Variants in DOCK9 observed in about 807,000 individuals in gnomAD.
The protein encoded by DOCK9 is dedicator of cytokinesis 9, also known as dedicator of cytokinesis protein 9.
A neutral mutation model predicts 263.3 loss-of-function variants in DOCK9; 89 were observed. The observed-to-expected ratio is 0.34, with a 90% confidence interval of 0.28 to 0.40. The LOEUF (loss-of-function observed/expected upper bound fraction) is 0.40. Ranked by LOEUF, DOCK9 falls within the 10% of genes least tolerant of loss-of-function variation. DOCK9 has a pLI of 1.00. For synonymous variants in DOCK9, 976 were observed against 973.1 expected (o/e 1.00, Z -0.06); for missense variants, 2,140 against 2,603.4 (o/e 0.82, Z 3.87).
chr13:98,797,514 G>A lies in DOCK9; in HGVS notation c.5917-25C>T, dbSNP rs1191038990. On this transcript the variant is annotated intron_variant, in intron 50 of 52. Coordinates refer to ENST00000682017, the MANE Select transcript of DOCK9 (RefSeq NM_001366683.2). ...CCTAGACAAAGAGCAAAGATTTTCA[G>A]TTCCACTAGGAAGAAAATCACCATG... The A allele has an allele frequency of 3.2e-6, 5 of 1,574,328 alleles. No individual in the cohort carries two copies. The African/African-American group carries it at 5.4e-5, about 17-fold the overall frequency.
rs757514207 is a variant in DOCK9 at position 98,824,554 on chromosome 13, G to A, written c.5024-50C>T. ...GTCAGAGTTAGGAACCTGAACGTGG[G>A]TGAACCCTGAGGGTTTTTCCTGCCC... On this transcript the variant is annotated intron_variant, in intron 44 of 52. Transcript: ENST00000682017. 1.9e-6 allele frequency: 3 copies of A among 1,549,190 alleles called. No individual in the cohort carries two copies. In the South Asian group the frequency reaches 3.4e-5, roughly 17 times the overall value.
rs566469244 is a variant in DOCK9, at chr13:99,050,561, C to T, written c.129+35662G>A. On this transcript the variant is annotated intron_variant, in intron 1 of 32. Coordinates refer to the DOCK9 transcript ENST00000427887. ...ACAAAAAATTAGCCAGACGTGGTGG[C>T]GGGCGCCTGTAATCCCAGCTACTCG... Among the ~76,000 whole-genome samples the T allele has an allele frequency of 3.3e-5, 5 of 152,194 alleles. No individual in the cohort carries two copies. In the South Asian group the frequency reaches 6.2e-4, roughly 19 times the overall value.
chr13:99,024,265 T>C (rs1197379990), intron 1 of DOCK9, among the ~76,000 whole-genome samples: 1 of 152,100 alleles, frequency 6.6e-6, no homozygotes, highest in African/African-American at 2.4e-5. Flanking sequence ...CACTGTAAAT[T>C]AGACACTGGA....
intron 1 of DOCK9, among the ~76,000 whole-genome samples, chr13:99,073,440 T>C (rs1311262832): frequency 6.7e-6 from 1 of 149,722 alleles, no homozygotes; most frequent in Non-Finnish European, 1.5e-5. Context: ...TAAGCTCCAA[T>C]GAAGGCTTTT....
chr13:99,042,723 A>T (rs936047312), intron 1 of DOCK9, among the ~76,000 whole-genome samples: 32 of 152,216 alleles, frequency 2.1e-4, no homozygotes, highest in Non-Finnish European at 3.7e-4. Flanking sequence ...TCAACTGTGG[A>T]ACAGAAAGAT....
At chr13:99,015,493 T>A (rs1885259207) in intron 1 of DOCK9, 3 of 1,597,966 alleles carry the variant, frequency 1.9e-6, no homozygotes, top group Non-Finnish European at 2.5e-6. Context: ...TGTCCAATTG[T>A]ATGCTGTATA....
Position 98,885,072 on chromosome 13 carries a change from G to T in DOCK9, c.2281C>A (p.Leu761Ile). The stretch of plus-strand genomic sequence containing the variant: ...GTCACCACCCTTCCGTCTTTCAGGA[G>T]GGGAAGCCAGGAGTAGCCAACTGTT... Reference protein sequence around the residue: ...ETQVGYSWLPLLKDGRVVTSE... With the variant: ...ETQVGYSWLPILKDGRVVTSE... The change falls in exon 21 of 53, where the codon CTC (leucine) becomes ATC (isoleucine). Residue 761 changes from leucine to isoleucine, a missense_variant. Coordinates refer to ENST00000682017, the MANE Select transcript of DOCK9 (RefSeq NM_001366683.2). 1 of 1,613,652 alleles carries T rather than the reference G, an allele frequency of 6.2e-7. No individual in the cohort carries two copies. Among genetic ancestry groups the T allele is most frequent in the Non-Finnish European group, 8.5e-7 (1 of 1,179,784 alleles).
chr13:98,992,355 G>C (rs1880011286), intron 1 of DOCK9, among the ~76,000 whole-genome samples: 1 of 152,076 alleles, frequency 6.6e-6, no homozygotes. Context: ...GCCCCTTAAG[G>C]GCACTCCGAT....
intron 1 of DOCK9, among the ~76,000 whole-genome samples, chr13:99,080,936 A>G (rs2042099982): frequency 6.6e-6 from 1 of 152,196 alleles, no homozygotes; most frequent in Non-Finnish European, 1.5e-5. Context: ...GTAAATGTGG[A>G]CAGTGATTTC....
At chr13:98,897,663 A>G in intron 14 of DOCK9, 53 bp from the exon 15 acceptor site, 1 of 1,598,816 alleles carries the variant, frequency 6.3e-7, no homozygotes, top group Non-Finnish European at 8.5e-7. Flanking sequence ...ACCAAAATCA[A>G]TTCATTATTT....
At chr13:99,015,253 T>G (rs1885209250) in intron 1 of DOCK9, among the ~76,000 whole-genome samples, 2 of 152,232 alleles carry the variant, frequency 1.3e-5, no homozygotes, top group African/African-American at 4.8e-5. Context: ...GTATTTAGCT[T>G]TGATGAATAC....
chr13:99,047,499 G>C (rs2040489039), intron 1 of DOCK9, among the ~76,000 whole-genome samples: 1 of 149,148 alleles, frequency 6.7e-6, no homozygotes, highest in South Asian at 2.1e-4. Flanking sequence ...CTTTTTCTGA[G>C]AATCAGTGGT....
intron 1 of DOCK9, among the ~76,000 whole-genome samples, chr13:98,993,697 C>T (rs1267699208): frequency 3.9e-5 from 6 of 152,076 alleles, no homozygotes; most frequent in East Asian, 1.9e-4. Flanking sequence ...GCTGAGATTG[C>T]GTCACTGCAC....
intron 45 of DOCK9, among the ~76,000 whole-genome samples, chr13:98,819,983 T>C (rs1031314286): frequency 6.6e-6 from 1 of 152,246 alleles, no homozygotes; most frequent in African/African-American, 2.4e-5. Flanking sequence ...CCTGCTGTTC[T>C]GTAAAACAAC....
chr13:99,048,279 G>T (rs1057466279), intron 1 of DOCK9, among the ~76,000 whole-genome samples: 1 of 152,140 alleles, frequency 6.6e-6, no homozygotes, highest in Non-Finnish European at 1.5e-5. Context: ...TAAGAAGCAC[G>T]CCTGAAGACA....
At chr13:98,976,065 A>G (rs988843620) in intron 1 of DOCK9, among the ~76,000 whole-genome samples, 11 of 151,596 alleles carry the variant, frequency 7.3e-5, no homozygotes, top group African/African-American at 2.4e-4. Flanking sequence ...ATCTGACATT[A>G]GCTCTTCTTA....
chr13:98,955,183 T>G (rs2140978405), intron 2 of DOCK9, among the ~76,000 whole-genome samples: 1 of 152,224 alleles, frequency 6.6e-6, no homozygotes, highest in African/African-American at 2.4e-5. Context: ...CCAGGCATGG[T>G]GGCACACGCC....
intron 52 of DOCK9, 138 bp from the exon 53 acceptor site, chr13:98,794,886 A>G: frequency 1.2e-6 from 1 of 830,334 alleles, no homozygotes; most frequent in East Asian, 2.6e-5. Context: ...CGTGCAACAC[A>G]ATGTTACTGA....
At chr13:98,887,711 C>A (rs1163177892) in intron 18 of DOCK9, among the ~76,000 whole-genome samples, 1 of 150,826 alleles carries the variant, frequency 6.6e-6, no homozygotes, top group Non-Finnish European at 1.5e-5. Flanking sequence ...TAGAGCAGTG[C>A]CTGGAGTACA....
Sources: allele counts gnomAD v4.1 joint callset (sites outside exome capture counted in the v4.1 genomes callset), GRCh38; gene constraint gnomAD v4.1.1; transcripts MANE v1.5; gene names NCBI Gene and HGNC (gene_info 2026-07-23, HGNC 2026-07-21).